The following MTCL1 variants were observed in gnomAD, a reference collection of about 807,000 sequenced individuals.
MTCL1 encodes microtubule crosslinking factor 1, also known as microtubule cross-linking factor 1.
Under a neutral mutation model 141.4 loss-of-function variants are expected in MTCL1, and 79 were observed. The ratio of observed to expected loss-of-function variants is 0.56; its 90% confidence interval spans 0.47 to 0.67. The LOEUF is 0.67. Among genes scored for constraint, MTCL1 ranks in the 30% least tolerant of loss-of-function variants. The probability of loss-of-function intolerance (pLI) is 0.00; values close to 1 mark genes in which losing one functional copy is unlikely to be tolerated. For missense variants in MTCL1, 2,177 were observed against 2,113.9 expected, an observed-to-expected ratio of 1.03 and a Z score of -0.59; for synonymous variants, 914 against 875.8, an observed-to-expected ratio of 1.04 and a Z score of -0.77.
At chr18:8,809,088 G>A (rs2076395145) in intron 11 of MTCL1, among the ~76,000 whole-genome samples, 1 of 151,774 alleles carries the variant, frequency 6.6e-6, no homozygotes, top group Non-Finnish European at 1.5e-5. Context: ...GAGAAGCTTA[G>A]GTATGAGGGG....
intron 4 of MTCL1, among the ~76,000 whole-genome samples, chr18:8,772,717 A>C (rs1472077508): frequency 6.6e-6 from 1 of 151,850 alleles, no homozygotes; most frequent in Non-Finnish European, 1.5e-5. Flanking sequence ...AAGCATTTTG[A>C]GATCACTAAA....
upstream of MTCL1, chr18:8,705,606 C>CCGCCGCCGCCGCCGCCGTCGT (rs1218361944): frequency 8.3e-7 from 1 of 1,198,658 alleles, no homozygotes; most frequent in Non-Finnish European, 1.0e-6. This position sits in a 1 kb window ranked among gnomAD's most constrained non-coding sequence, Gnocchi z 5.2. Flanking sequence ...GCCGCCGCCG[C>CCGCCGCCGCCGCCGCCGTCGT]CGCCGTCGTC....
intron 7 of MTCL1, among the ~76,000 whole-genome samples, chr18:8,788,234 C>T (rs956419623): frequency 6.6e-6 from 1 of 152,104 alleles, no homozygotes; most frequent in Admixed American, 6.5e-5. Context: ...GAGGTCCTGC[C>T]GGCAGCTTTC....
chr18:8,756,405 G>A (rs917620287), intron 4 of MTCL1, among the ~76,000 whole-genome samples: 2 of 147,630 alleles, frequency 1.4e-5, no homozygotes, highest in South Asian at 2.1e-4. Flanking sequence ...ATGTATATAT[G>A]TGTGTATATG....
At chr18:8,786,299 C>G in intron 7 of MTCL1, 1 of 711,888 alleles carries the variant, frequency 1.4e-6, no homozygotes, top group Non-Finnish European at 2.5e-6. Flanking sequence ...CTGCTGTGCT[C>G]GTCAGACAGA....
At chr18:8,746,518 C>T (rs1467486667) in intron 4 of MTCL1, among the ~76,000 whole-genome samples, 3 of 152,114 alleles carry the variant, frequency 2.0e-5, no homozygotes, top group Non-Finnish European at 2.9e-5. Context: ...GGGGGAATCC[C>T]ATGGATTTGA....
intron 4 of MTCL1, among the ~76,000 whole-genome samples, chr18:8,725,875 T>C (rs9956627): frequency 0.41 from 59,990 of 145,380 alleles, 13,114 homozygotes; most frequent in Admixed American, 0.55. Flanking sequence ...CTGCAAGCTC[T>C]GCCTCCCGGG....
chr18:8,749,580 G>A (rs759936008), intron 4 of MTCL1, among the ~76,000 whole-genome samples: 46 of 152,226 alleles, frequency 3.0e-4, no homozygotes, highest in Non-Finnish European at 5.3e-4. Context: ...GGCTGTGGCC[G>A]TGGCCTAAGT....
chr18:8,778,521 A>G (rs1409104391), intron 5 of MTCL1, among the ~76,000 whole-genome samples: 1 of 152,186 alleles, frequency 6.6e-6, no homozygotes, highest in Admixed American at 6.5e-5. Flanking sequence ...AATTAGAGAG[A>G]CACAATGAGT....
At position 8,825,209 on chromosome 18, in the gene MTCL1, C is replaced by T. The variant is rs774795617; in HGVS notation, c.3699C>T (p.Pro1233=). 9.4e-6 allele frequency: 15 copies of T among 1,594,770 alleles called. No individual in the cohort carries two copies. In the Admixed American group the frequency reaches 2.2e-4, roughly 24 times the overall value. Residue 1233 remains proline, a synonymous_variant, in exon 15 of 17, where the codon CCC becomes CCT. Transcript: ENST00000359865. ...ACACCAAGGGAGGCCCTCCAGAACC[C>T]ATGCTCAGCAGGTGGCCTTGCACCT...
chr18:8,786,870 CAG>C (rs1361599477), intron 7 of MTCL1: 1 of 157,788 alleles, frequency 6.3e-6, no homozygotes, highest in Admixed American at 5.9e-5. Flanking sequence ...CCCGCCTAGT[CAG>C]GGGCCCAGTT....
intron 4 of MTCL1, among the ~76,000 whole-genome samples, chr18:8,756,302 AGTGT>A (rs138010375): frequency 6.6e-6 from 1 of 151,236 alleles, no homozygotes; most frequent in African/African-American, 2.4e-5. Context: ...ATGAAAAAGA[AGTGT>A]GTGTGTGTAT....
chr18:8,721,925 C>T (rs560493765), intron 4 of MTCL1, among the ~76,000 whole-genome samples: 13 of 152,140 alleles, frequency 8.5e-5, no homozygotes, highest in South Asian at 6.2e-4. Flanking sequence ...ATGAAGGGGG[C>T]GGAGCATAGA....
intron 4 of MTCL1, among the ~76,000 whole-genome samples, chr18:8,731,268 A>G (rs984358888): frequency 6.6e-6 from 1 of 151,774 alleles, no homozygotes; most frequent in Non-Finnish European, 1.5e-5. Context: ...AAAGTAAAAA[A>G]TAATAATAAT....
chr18:8,794,514 C>T (rs1178502061), intron 8 of MTCL1, among the ~76,000 whole-genome samples: 1 of 152,188 alleles, frequency 6.6e-6, no homozygotes, highest in South Asian at 2.1e-4. Flanking sequence ...TGCTGCCTCC[C>T]GTGGTGCGGG....
At position 8,825,169 on chromosome 18, in the gene MTCL1, G is replaced by A. The variant is rs751293607; in HGVS notation, c.3659G>A (p.Arg1220Lys). ...GGTCCCTTTCCCACAAGCAGAGCCA[G>A]AGGGAGCCCGGGAGACACCAAGGGA... is the stretch of plus-strand genomic sequence containing the variant. The change falls in exon 15 of 17, where the codon AGA (arginine) becomes AAA (lysine). Residue 1220 changes from arginine to lysine, a missense_variant. Arg to Lys is a conservative substitution (Grantham distance 26, BLOSUM62 2). Transcript: ENST00000359865. The A allele has an allele frequency of 5.1e-6, 8 of 1,580,378 alleles. No homozygotes were observed. The East Asian group carries it at 1.8e-4, about 35-fold the overall frequency.
chr18:8,712,438 T>G (rs1260423721), upstream of MTCL1, among the ~76,000 whole-genome samples: 1 of 152,218 alleles, frequency 6.6e-6, no homozygotes, highest in Admixed American at 6.5e-5. Context: ...GGGTGCTCAG[T>G]GTGGCCTGGG....
At chr18:8,765,394 A>G (rs913627986) in intron 4 of MTCL1, among the ~76,000 whole-genome samples, 1 of 152,224 alleles carries the variant, frequency 6.6e-6, no homozygotes, top group African/African-American at 2.4e-5. Flanking sequence ...AAGTACCTCC[A>G]TGCCAAGTCC....
At chr18:8,767,705 T>C (rs1187634215) in intron 4 of MTCL1, among the ~76,000 whole-genome samples, 2 of 152,036 alleles carry the variant, frequency 1.3e-5, no homozygotes, top group East Asian at 3.8e-4. Context: ...GATGTTTGCA[T>C]TACGCTAGGT....
Sources: allele counts gnomAD v4.1 joint callset (sites outside exome capture counted in the v4.1 genomes callset), GRCh38; gene constraint gnomAD v4.1.1; non-coding constraint Gnocchi (gnomAD v3.1); transcripts MANE v1.5; gene names NCBI Gene and HGNC (gene_info 2026-07-23, HGNC 2026-07-21).